The following WASHC5 variants were observed in gnomAD, a reference collection of about 807,000 sequenced individuals.
WASHC5 encodes the protein WASH complex subunit strumpellin.
WASHC5 carries 101 observed loss-of-function variants against 150.4 expected under a neutral mutation model. The observed-to-expected ratio is 0.67, with a 90% CI of 0.57 to 0.79. The LOEUF (loss-of-function observed/expected upper bound fraction) is 0.79, where lower values mean the gene tolerates loss of function less well. Ranked by LOEUF, WASHC5 falls within the 30% of genes least tolerant of loss-of-function variation. The probability of loss-of-function intolerance (pLI) is 0.00; values close to 1 mark genes in which losing one functional copy is unlikely to be tolerated. For missense variants in WASHC5, 1,195 were observed against 1,396.3 expected (o/e 0.86, Z 2.30); for synonymous variants, 467 against 491.2 (o/e 0.95, Z 0.65).
chr8:125,032,368 G>A lies in WASHC5; in HGVS notation c.3208C>T (p.Pro1070Ser). The A allele has an allele frequency of 6.2e-7, 1 of 1,614,122 alleles. No homozygotes were observed. The highest frequency in any genetic ancestry group is 8.5e-7 in the Non-Finnish European group (1 of 1,180,030). Residue 1070 changes from proline to serine, a missense_variant, in exon 27 of 29, where the codon CCG (proline) becomes TCG (serine). Pro to Ser is a moderately conservative substitution (Grantham distance 74, BLOSUM62 -1). Around this residue, in one of 3 missense-constraint regions of WASHC5, gnomAD observed 997 missense variants for 1,168.1 expected, o/e 0.85. Coordinates refer to ENST00000318410, the MANE Select transcript of WASHC5 (RefSeq NM_014846.4). The part of the protein sequence containing the change: ...LGMVCRKPTD[P>S]VDWPPLVLGL... ...AGGACAAGTGGTGGCCAATCAACCG[G>A]GTCGGTCGGTTTTCGGCAGACCATT...
chr8:125,049,997 G>A (rs926411086), intron 18 of WASHC5, among the ~76,000 whole-genome samples: 6 of 151,092 alleles, frequency 4.0e-5, no homozygotes, highest in Admixed American at 2.6e-4. Flanking sequence ...CATTTGGGAA[G>A]GAAGCCTCAT....
intron 25 of WASHC5, among the ~76,000 whole-genome samples, 162 bp downstream of exon 25, chr8:125,038,668 G>A (rs1021246820): frequency 7.2e-5 from 11 of 152,174 alleles, no homozygotes; most frequent in Admixed American, 3.9e-4. Flanking sequence ...AGCCAGGCGG[G>A]GAAAGTGTGA....
At chr8:125,032,579 G>A (rs1414029959) in intron 26 of WASHC5, 185 bp from the exon 27 acceptor site, 1 of 674,654 alleles carries the variant, frequency 1.5e-6, no homozygotes, top group African/African-American at 1.8e-5. Context: ...GCATTCCAGG[G>A]GTCTGAAGGA....
chr8:125,041,282 C>T (rs1300503221), intron 23 of WASHC5, among the ~76,000 whole-genome samples: 2 of 152,042 alleles, frequency 1.3e-5, no homozygotes, highest in East Asian at 3.9e-4. Context: ...GGAGGGAAGA[C>T]AGTATTATAA....
intron 14 of WASHC5, among the ~76,000 whole-genome samples, chr8:125,058,072 C>T (rs1026547752): frequency 2.6e-5 from 4 of 151,204 alleles, no homozygotes; most frequent in African/African-American, 9.7e-5. Flanking sequence ...TTCTGATTGA[C>T]GTTCTGATAG....
intron 28 of WASHC5, among the ~76,000 whole-genome samples, chr8:125,025,995 T>G (rs997675126): frequency 1.3e-5 from 2 of 152,192 alleles, no homozygotes; most frequent in African/African-American, 4.8e-5. Flanking sequence ...GTGGAATTGC[T>G]GGGATCAGGG....
intron 15 of WASHC5, among the ~76,000 whole-genome samples, 189 bp downstream of exon 15, chr8:125,057,367 A>T (rs779500288): frequency 1.4e-4 from 22 of 152,254 alleles, no homozygotes; most frequent in Admixed American, 6.5e-5. Flanking sequence ...GTTCCTGGCA[A>T]GTAAAAACAT....
intron 5 of WASHC5, among the ~76,000 whole-genome samples, chr8:125,079,250 G>C (rs1440726516): frequency 1.3e-4 from 17 of 135,662 alleles, no homozygotes; most frequent in Non-Finnish European, 2.0e-4. Context: ...GGAGTGCAGT[G>C]GCGTGATCTC....
chr8:125,080,098 G>A (rs1817203810), intron 5 of WASHC5, among the ~76,000 whole-genome samples: 1 of 152,188 alleles, frequency 6.6e-6, no homozygotes, highest in African/African-American at 2.4e-5. Flanking sequence ...TAGATTCAAA[G>A]AATCTTAGAC....
intron 23 of WASHC5, among the ~76,000 whole-genome samples, chr8:125,043,498 C>A (rs1815956851): frequency 6.6e-6 from 1 of 152,132 alleles, no homozygotes; most frequent in Non-Finnish European, 1.5e-5. Context: ...TATAAATGAA[C>A]TTTGTTATGT....
chr8:125,074,086 G>A (rs1816979939), intron 8 of WASHC5, among the ~76,000 whole-genome samples: 2 of 152,226 alleles, frequency 1.3e-5, no homozygotes, highest in South Asian at 4.2e-4. Flanking sequence ...TGGTCATTCT[G>A]CTTTACTTAA....
chr8:125,065,474 G>C (rs995580845), intron 10 of WASHC5, among the ~76,000 whole-genome samples: 1 of 152,222 alleles, frequency 6.6e-6, no homozygotes, highest in African/African-American at 2.4e-5. Flanking sequence ...CTTATCATTA[G>C]AAATACAGGC....
In WASHC5 at chr8:125,059,233, T is replaced by C; in HGVS notation, c.1753A>G (p.Thr585Ala). ...TGTTTTTTGCTTACCTTTAGGAAGG[T>C]AGCTCTGAGTTTAGTAACCATGGAT... is the stretch of plus-strand genomic sequence containing the variant. ...NPSMVTKLRA[T>A]FLKLASALDL... Residue 585 changes from threonine to alanine, a missense_variant, in exon 14 of 29, where the codon ACC (threonine) becomes GCC (alanine). Transcript: ENST00000318410. 2 of 1,613,184 alleles carry C rather than the reference T, an allele frequency of 1.2e-6. No homozygotes were observed. Among genetic ancestry groups the C allele is most frequent in the Non-Finnish European group, 8.5e-7 (1 of 1,179,142 alleles).
rs200820805 is a variant in WASHC5, at chr8:125,083,137, T to C, written c.308A>G (p.His103Arg). 3 of 1,553,422 alleles carry C rather than the reference T, an allele frequency of 1.9e-6. No individual in the cohort carries two copies. Among genetic ancestry groups the C allele is most frequent in the Admixed American group, 1.7e-5 (1 of 59,802 alleles). The change falls in exon 3 of 29, where the codon CAT becomes CGT. Residue 103 changes from histidine (H) to arginine (R), a missense_variant. By Grantham distance (29) the His-to-Arg change is conservative. Transcript: ENST00000318410. ...CCTGTTTAAGTCTACAATATATTTA[T>C]GTACACTTTGAAATGCTAAATAAAA... ...TRFYLAFQSV[H>R]KYIVDLNRYL...
At chr8:125,084,147 G>A (rs1817351939) in intron 1 of WASHC5, 125 bp from the exon 2 acceptor site, 1 of 476,076 alleles carries the variant, frequency 2.1e-6, no homozygotes, top group African/African-American at 2.0e-5. Context: ...TTCCTTTATA[G>A]GGGAAAGGGT....
intron 26 of WASHC5, among the ~76,000 whole-genome samples, chr8:125,036,039 T>A (rs1188863300): frequency 6.6e-6 from 1 of 152,206 alleles, no homozygotes; most frequent in Non-Finnish European, 1.5e-5. Context: ...TAAATTAGGG[T>A]TATATTCCTG....
At chr8:125,051,169 G>A (rs1255256793) in intron 17 of WASHC5, among the ~76,000 whole-genome samples, 1 of 152,170 alleles carries the variant, frequency 6.6e-6, no homozygotes, top group Non-Finnish European at 1.5e-5. Flanking sequence ...TTTTCTTTCA[G>A]CATTCTTGGA....
rs529576095 is a variant in WASHC5 at position 125,041,759 on chromosome 8, T to C, written c.2851-1861A>G. Among the ~76,000 whole-genome samples, 5 of 152,340 alleles carry C rather than the reference T, an allele frequency of 3.3e-5. No individual in the cohort carries two copies. The East Asian group carries it at 9.6e-4, about 29-fold the overall frequency. On this transcript the variant is annotated intron_variant, in intron 23 of 28. Coordinates refer to ENST00000318410, the MANE Select transcript of WASHC5 (RefSeq NM_014846.4). Reference sequence around the variant, plus strand: ...CAGATGTATTATTTTTGACCACTATTCATACAAGACTATTACTCTATTTAT... The same window carrying C: ...CAGATGTATTATTTTTGACCACTATCCATACAAGACTATTACTCTATTTAT...
chr8:125,067,465 T>A (rs1287155201), intron 10 of WASHC5, 127 bp downstream of exon 10: 27 of 801,654 alleles, frequency 3.4e-5, no homozygotes, highest in Non-Finnish European at 2.1e-5. Flanking sequence ...CTATAAGAAC[T>A]ATCTCAACAG....
Sources: allele counts gnomAD v4.1 joint callset (sites outside exome capture counted in the v4.1 genomes callset), GRCh38; gene constraint gnomAD v4.1.1; regional missense constraint gnomAD v4.1.1; transcripts MANE v1.5; gene names NCBI Gene and HGNC (gene_info 2026-07-23, HGNC 2026-07-21).